Variants in FAM13C observed in about 807,000 individuals in gnomAD.
FAM13C encodes protein FAM13C.
FAM13C carries 37 observed loss-of-function variants against 73.2 expected under a neutral mutation model. The observed-to-expected ratio is 0.51, with a 90% CI of 0.39 to 0.67. FAM13C has a LOEUF of 0.67. FAM13C is among the 30% of genes least tolerant of loss of function. FAM13C has a pLI of 0.00. For synonymous variants in FAM13C, 246 were observed against 260.9 expected (o/e 0.94, Z 0.55); for missense variants, 589 against 715.6 (o/e 0.82, Z 2.02).
At chr10:59,356,057 C>A in intron 1 of FAM13C, 114 bp from the exon 2 acceptor site, 4 of 930,836 alleles carry the variant, frequency 4.3e-6, no homozygotes, top group African/African-American at 1.6e-5. Flanking sequence ...TGAAACACTC[C>A]CTATCATTCT....
At chr10:59,270,705 G>A (rs551096235) in intron 6 of FAM13C, among the ~76,000 whole-genome samples, 8 of 152,184 alleles carry the variant, frequency 5.3e-5, no homozygotes, top group Middle Eastern at 6.8e-3. Flanking sequence ...AAAACATTCT[G>A]TTTTACATAA....
intron 10 of FAM13C, among the ~76,000 whole-genome samples, chr10:59,258,714 T>TA (rs1258147679): frequency 9.9e-5 from 15 of 152,048 alleles, no homozygotes; most frequent in South Asian, 2.1e-4. Context: ...ATAATTTCTT[T>TA]AAAAAAAAGA....
chr10:59,250,135 T>G (rs1281448919), intron 13 of FAM13C, among the ~76,000 whole-genome samples: 1 of 152,186 alleles, frequency 6.6e-6, no homozygotes, highest in Non-Finnish European at 1.5e-5. Context: ...TTTCCCTGAA[T>G]GAAAAATTCC....
At chr10:59,334,543 C>T (rs561052980) in intron 3 of FAM13C, among the ~76,000 whole-genome samples, 16 of 152,148 alleles carry the variant, frequency 1.1e-4, no homozygotes, top group African/African-American at 3.1e-4. Context: ...ATTAAGAAAA[C>T]GTGCCACATA....
At chr10:59,257,051 G>A (rs1406460360) in intron 10 of FAM13C, among the ~76,000 whole-genome samples, 1 of 152,106 alleles carries the variant, frequency 6.6e-6, no homozygotes, top group Non-Finnish European at 1.5e-5. Flanking sequence ...AACAGCCAAA[G>A]AGAGCTATGA....
chr10:59,272,887 C>T (rs1024585947), intron 6 of FAM13C, among the ~76,000 whole-genome samples: 13 of 152,098 alleles, frequency 8.5e-5, no homozygotes, highest in Non-Finnish European at 5.9e-5. Context: ...ATATATACTA[C>T]GTTTTTTCCT....
At chr10:59,309,934 T>C (rs1401072542) in intron 4 of FAM13C, among the ~76,000 whole-genome samples, 2 of 152,212 alleles carry the variant, frequency 1.3e-5, no homozygotes, top group East Asian at 1.9e-4. Context: ...TGATAACTGA[T>C]GCTCCCTCTT....
At chr10:59,250,468 C>T (rs1349320083) in intron 13 of FAM13C, among the ~76,000 whole-genome samples, 2 of 152,212 alleles carry the variant, frequency 1.3e-5, no homozygotes, top group Admixed American at 6.5e-5. Context: ...GTTGTTACAT[C>T]TGTATTGGCT....
intron 6 of FAM13C, among the ~76,000 whole-genome samples, chr10:59,280,508 C>G (rs746849359): frequency 6.6e-5 from 10 of 152,192 alleles, no homozygotes; most frequent in Non-Finnish European, 1.3e-4. Context: ...TCAGACAGAA[C>G]TTGACATTAT....
intron 3 of FAM13C, among the ~76,000 whole-genome samples, chr10:59,349,533 G>A (rs1854747294): frequency 6.6e-6 from 1 of 152,148 alleles, no homozygotes; most frequent in African/African-American, 2.4e-5. Context: ...CACTTTGGGA[G>A]GCTGAAGAGG....
intron 13 of FAM13C, 96 bp downstream of exon 13, chr10:59,251,479 G>T: frequency 3.0e-6 from 3 of 1,015,454 alleles, no homozygotes; most frequent in Non-Finnish European, 4.7e-6. Context: ...TATACATTTT[G>T]TAAAAAGTCA....
chr10:59,345,303 T>C lies in FAM13C; in HGVS notation c.324+6967A>G, dbSNP rs74153337. Among the ~76,000 whole-genome samples, 399 of 152,340 alleles carry C rather than the reference T, an allele frequency of 2.6e-3. 3 individuals carry two copies. Among genetic ancestry groups the C allele is most frequent in the African/African-American group, 8.7e-3 (362 of 41,572 alleles). ...AGTTATGCAATGCGGCCCTGAGTGC[T>C]ACAATACCAAATTATCAAATTCTCC... On this transcript the variant is annotated intron_variant, in intron 3 of 13. Coordinates refer to ENST00000618804, the MANE Select transcript of FAM13C (RefSeq NM_198215.4).
chr10:59,343,945 A>G (rs1853866559), intron 3 of FAM13C, among the ~76,000 whole-genome samples: 1 of 147,518 alleles, frequency 6.8e-6, no homozygotes, highest in Non-Finnish European at 1.5e-5. Flanking sequence ...TCTATAAACT[A>G]TTTCTTTTTT....
At position 59,262,520 on chromosome 10, in the gene FAM13C, T is replaced by C; in HGVS notation, c.1150A>G (p.Ser384Gly). ...GKPEAAGPEP[S>G]SSGEETPDAA... Reference sequence around the variant, plus strand: ...TCTGGAGTCTCTTCTCCAGAGGAGCTTGGCTCCGGGCCCGCAGCTTCCGGT... The same window carrying C: ...TCTGGAGTCTCTTCTCCAGAGGAGCCTGGCTCCGGGCCCGCAGCTTCCGGT... Residue 384 changes from serine (S) to glycine (G), a missense_variant, in exon 10 of 14, where the codon AGC becomes GGC. Coordinates refer to ENST00000618804, the MANE Select transcript of FAM13C (RefSeq NM_198215.4). 1 of 1,613,784 alleles carries C rather than the reference T, an allele frequency of 6.2e-7. No homozygotes were observed. Among genetic ancestry groups the C allele is most frequent in the Non-Finnish European group, 8.5e-7 (1 of 1,179,786 alleles).
Position 59,352,477 on chromosome 10 carries a change from A to G in FAM13C, c.120-3T>C, listed in dbSNP as rs760854345. 13 of 1,598,074 alleles carry G rather than the reference A, an allele frequency of 8.1e-6. No individual in the cohort carries two copies. In the East Asian group the frequency reaches 2.0e-4, roughly 25 times the overall value. On this transcript the variant is annotated splice_polypyrimidine_tract_variant and splice_region_variant and intron_variant, in intron 2 of 13. Transcript: ENST00000618804. ...AGTTCTCTTTATTGTTTTCATCTCT[A>G]AAACAGGAAAGACCCAATTTAGAAA...
chr10:59,338,375 G>T (rs1292842314), intron 3 of FAM13C, among the ~76,000 whole-genome samples: 1 of 152,050 alleles, frequency 6.6e-6, no homozygotes, highest in Non-Finnish European at 1.5e-5. Context: ...GGCCTCTCAA[G>T]CAGAGTCACC....
chr10:59,349,767 A>C (rs1434256740), intron 3 of FAM13C, among the ~76,000 whole-genome samples: 2 of 152,212 alleles, frequency 1.3e-5, no homozygotes, highest in African/African-American at 4.8e-5. Context: ...TGTCTCAAAT[A>C]ATAAAAATAA....
intron 5 of FAM13C, among the ~76,000 whole-genome samples, chr10:59,289,894 AG>A (rs1329861930): frequency 6.6e-6 from 1 of 152,134 alleles, no homozygotes; most frequent in Non-Finnish European, 1.5e-5. Context: ...CCCGTCACTC[AG>A]GGCCAGACTG....
intron 7 of FAM13C, 67 bp downstream of exon 7, chr10:59,269,832 G>A: frequency 6.5e-7 from 1 of 1,541,324 alleles, no homozygotes; most frequent in Non-Finnish European, 8.9e-7. Context: ...ACACTTCATT[G>A]TAGCTTATAA....
Sources: gnomAD v4.1 joint callset for allele counts (sites outside exome capture counted in the v4.1 genomes callset) on GRCh38, gnomAD v4.1.1 for gene constraint, MANE v1.5 for transcripts, NCBI Gene and HGNC (gene_info 2026-07-23, HGNC 2026-07-21) for gene names.